Variants in PDE4D observed in about 807,000 individuals in gnomAD.
The protein encoded by PDE4D is 3',5'-cyclic-AMP phosphodiesterase 4D.
PDE4D carries 24 observed loss-of-function variants against 87.4 expected under a neutral mutation model. The ratio of observed to expected loss-of-function variants is 0.27; its 90% confidence interval spans 0.20 to 0.39. The LOEUF (loss-of-function observed/expected upper bound fraction) is 0.39, where lower values mean the gene tolerates loss of function less well. Ranked by LOEUF, PDE4D falls within the 10% of genes least tolerant of loss-of-function variation. PDE4D has a pLI of 1.00. For synonymous variants in PDE4D, 384 were observed against 383.2 expected (o/e 1.00, Z -0.02); for missense variants, 714 against 1,041.0 (o/e 0.69, Z 4.32).
chr5:59,751,574 GGTGTGTGTGTGTGTGT>G (rs57407769), intron 1 of PDE4D, among the ~76,000 whole-genome samples: 2 of 142,630 alleles, frequency 1.4e-5, no homozygotes, highest in Non-Finnish European at 3.0e-5. Flanking sequence ...ATAAATCCCT[GGTGTGTGTGTGTGTGT>G]GTGTGTGTGT....
intron 1 of PDE4D, among the ~76,000 whole-genome samples, chr5:59,580,809 CAGA>C (rs1282048658): frequency 6.6e-6 from 1 of 152,124 alleles, no homozygotes; most frequent in Non-Finnish European, 1.5e-5. Context: ...AAAGAGCTTT[CAGA>C]AGGTCACACA....
At chr5:59,902,821 T>C (rs1752416079) in intron 3 of PDE4D, among the ~76,000 whole-genome samples, 1 of 152,078 alleles carries the variant, frequency 6.6e-6, no homozygotes, top group South Asian at 2.1e-4. Flanking sequence ...GTATTTGTAA[T>C]CTCCCCAGAT....
intron 5 of PDE4D, among the ~76,000 whole-genome samples, chr5:59,087,251 G>A (rs879510977): frequency 6.6e-6 from 1 of 152,098 alleles, no homozygotes; most frequent in Admixed American, 6.6e-5. Flanking sequence ...TTGGGAGGCT[G>A]AGGTGGGATG....
intron 1 of PDE4D, among the ~76,000 whole-genome samples, chr5:59,617,178 C>T (rs1487680815): frequency 6.6e-6 from 1 of 151,584 alleles, no homozygotes; most frequent in African/African-American, 2.4e-5. Context: ...GTAAATTAGG[C>T]AAAGAGAGGG....
intron 1 of PDE4D, among the ~76,000 whole-genome samples, chr5:59,779,241 T>C (rs1346031964): frequency 1.3e-5 from 2 of 152,162 alleles, no homozygotes; most frequent in Non-Finnish European, 1.5e-5. Flanking sequence ...ATTAGCTAGA[T>C]AATATATGAT....
intron 1 of PDE4D, among the ~76,000 whole-genome samples, chr5:60,376,309 A>G (rs1238289207): frequency 6.6e-6 from 1 of 152,282 alleles, no homozygotes; most frequent in African/African-American, 2.4e-5. Context: ...TAACAGAAGC[A>G]AAAAACAAAG....
chr5:59,979,592 C>T (rs1420341414), intron 3 of PDE4D, among the ~76,000 whole-genome samples: 4 of 152,072 alleles, frequency 2.6e-5, no homozygotes, highest in African/African-American at 9.7e-5. Flanking sequence ...GTAAATGATG[C>T]TAATCTATTA....
intron 1 of PDE4D, among the ~76,000 whole-genome samples, chr5:59,333,856 T>C (rs1173982062): frequency 1.3e-5 from 2 of 152,148 alleles, no homozygotes; most frequent in South Asian, 4.1e-4. Flanking sequence ...ATTTCATACA[T>C]ATCTTGAAAC....
At chr5:59,043,541 A>G (rs1760056477) in intron 5 of PDE4D, among the ~76,000 whole-genome samples, 1 of 151,766 alleles carries the variant, frequency 6.6e-6, no homozygotes, top group Non-Finnish European at 1.5e-5. Context: ...AAAAAAAATT[A>G]TAACAACTGA....
chr5:59,158,164 C>T (rs953098108), intron 5 of PDE4D, among the ~76,000 whole-genome samples: 3 of 152,182 alleles, frequency 2.0e-5, no homozygotes, highest in East Asian at 1.9e-4. Flanking sequence ...ATGTGTCAGA[C>T]GTGCTGAATG....
Position 60,143,607 on chromosome 5 carries a change from G to C in PDE4D, c.42+41950C>G, listed in dbSNP as rs985378100. On this transcript the variant is annotated intron_variant, in intron 2 of 16. Coordinates refer to the PDE4D transcript ENST00000502484. The stretch of plus-strand genomic sequence containing the variant: ...GACCTAGGAGCAGCTTGGGAATTGT[G>C]TGTGTGTGTGTGTGTGTGTGTGTGT... Among the ~76,000 whole-genome samples the C allele has an allele frequency of 1.9e-4, 18 of 92,952 alleles. No homozygotes were observed. The South Asian group carries it at 4.5e-3, about 23-fold the overall frequency. 61.0% of individuals were successfully genotyped at this position (92,952 alleles called of 152,430 possible).
chr5:59,768,422 C>G (rs1018835896), intron 1 of PDE4D: 5 of 1,598,286 alleles, frequency 3.1e-6, no homozygotes, highest in Non-Finnish European at 4.2e-6. Context: ...AAGGATTTCA[C>G]AAGGTCTTCG....
chr5:59,825,817 C>G (rs948036649), intron 1 of PDE4D, among the ~76,000 whole-genome samples: 1 of 152,214 alleles, frequency 6.6e-6, no homozygotes, highest in Non-Finnish European at 1.5e-5. Flanking sequence ...TTCCCCTCAT[C>G]TTGGTCCTGA....
chr5:59,354,104 T>C (rs1219007652), intron 1 of PDE4D, among the ~76,000 whole-genome samples: 1 of 152,116 alleles, frequency 6.6e-6, no homozygotes, highest in African/African-American at 2.4e-5. Flanking sequence ...CATGCATTAT[T>C]ATCCATTCAA....
intron 1 of PDE4D, among the ~76,000 whole-genome samples, chr5:59,332,523 T>C (rs1030969217): frequency 4.6e-5 from 7 of 152,168 alleles, no homozygotes; most frequent in Non-Finnish European, 7.3e-5. Flanking sequence ...TAAAAAATCT[T>C]AGTTCTTCTC....
At chr5:59,192,052 G>A (rs551969477) in intron 3 of PDE4D, among the ~76,000 whole-genome samples, 1 of 152,038 alleles carries the variant, frequency 6.6e-6, no homozygotes, top group African/African-American at 2.4e-5. Context: ...AAAGGATGGT[G>A]ATTGTATTTT....
chr5:60,065,831 T>C (rs572227374), intron 2 of PDE4D, among the ~76,000 whole-genome samples: 7 of 152,318 alleles, frequency 4.6e-5, no homozygotes, highest in Admixed American at 4.6e-4. Context: ...ATCCAGTCTA[T>C]CGTTGTTGGA....
chr5:59,356,741 A>C, intron 1 of PDE4D: 2 of 1,564,174 alleles, frequency 1.3e-6, no homozygotes, highest in Admixed American at 1.9e-5. Flanking sequence ...CTAGCTACAA[A>C]AGGAAAAGAG....
At chr5:59,668,808 AAG>A (rs1491159625) in intron 1 of PDE4D, among the ~76,000 whole-genome samples, 23 of 74,830 alleles carry the variant, frequency 3.1e-4, no homozygotes, top group African/African-American at 1.3e-3. Flanking sequence ...AAGAAGAAAG[AAG>A]AAGAAGAAGA....
Sources: gnomAD v4.1 joint callset for allele counts (sites outside exome capture counted in the v4.1 genomes callset) on GRCh38, gnomAD v4.1.1 for gene constraint, MANE v1.5 for transcripts, NCBI Gene and HGNC (gene_info 2026-07-23, HGNC 2026-07-21) for gene names.